The following VPS53 variants were observed in gnomAD, a reference collection of about 807,000 sequenced individuals.
VPS53 encodes the protein VPS53 subunit of GARP complex, also known as vacuolar protein sorting-associated protein 53 homolog.
A neutral mutation model predicts 107.0 loss-of-function variants in VPS53; 70 were observed. That is an observed-to-expected ratio of 0.65 (90% confidence interval 0.54 to 0.80). The LOEUF is 0.80. Ranked by LOEUF, VPS53 falls within the 30% of genes least tolerant of loss-of-function variation. The pLI, the probability that VPS53 is intolerant of heterozygous loss-of-function variation, is 0.00. For synonymous variants in VPS53, 409 were observed against 393.3 expected, an observed-to-expected ratio of 1.04 and a Z score of -0.47; for missense variants, 917 against 1,049.4, an observed-to-expected ratio of 0.87 and a Z score of 1.74.
intron 4 of VPS53, among the ~76,000 whole-genome samples, chr17:668,892 CTT>C (rs1171751027): frequency 6.6e-6 from 1 of 152,144 alleles, no homozygotes; most frequent in African/African-American, 2.4e-5. Context: ...GAAGGTATCG[CTT>C]TTTTCTTCCA....
intron 13 of VPS53, among the ~76,000 whole-genome samples, chr17:580,197 C>A (rs1192952721): frequency 6.6e-6 from 1 of 150,960 alleles, no homozygotes; most frequent in African/African-American, 2.4e-5. Flanking sequence ...TCCCTCAAAA[C>A]CTAATGCATT....
rs1301558835 is a variant in VPS53 at position 642,438 on chromosome 17, C to T, written c.609-10810G>A. Among the ~76,000 whole-genome samples the T allele has an allele frequency of 7.3e-5, 11 of 151,534 alleles. No homozygotes were observed. In the East Asian group the frequency reaches 2.2e-3, roughly 30 times the overall value. ...ACTCATACTTGGAAAGCGAGGACAA[C>T]ACTCATACTTGGCAACTGAGGACAA... On this transcript the variant is annotated intron_variant, in intron 7 of 21. Transcript: ENST00000437048.
intron 5 of VPS53, among the ~76,000 whole-genome samples, chr17:656,537 T>A (rs1012103005): frequency 1.3e-5 from 2 of 152,198 alleles, no homozygotes; most frequent in Non-Finnish European, 2.9e-5. Context: ...CCTGACAGTG[T>A]TGTTTCAGCA....
chr17:672,839 G>T (rs954795703), intron 4 of VPS53, among the ~76,000 whole-genome samples: 1 of 152,092 alleles, frequency 6.6e-6, no homozygotes, highest in Non-Finnish European at 1.5e-5. Context: ...GCGGCCGGGC[G>T]CAGTGGCTCA....
At chr17:642,870 T>TCATACTTGGAAAG (rs1970490118) in intron 7 of VPS53, among the ~76,000 whole-genome samples, 3 of 73,194 alleles carry the variant, frequency 4.1e-5, no homozygotes, top group Non-Finnish European at 8.4e-5. Context: ...TACTTGGAAA[T>TCATACTTGGAAAG]CGAGGACAAC....
At chr17:599,764 T>C (rs1405264704) in intron 12 of VPS53, among the ~76,000 whole-genome samples, 1 of 130,104 alleles carries the variant, frequency 7.7e-6, no homozygotes, top group African/African-American at 2.8e-5. Context: ...ATAAATAAAT[T>C]AAAAAAAAAA....
rs879322956 is a variant in VPS53 at position 514,472 on chromosome 17, TTATTCTGAGTGCTCTTCCTAGCC to T, written c.*4633_*4655del. The T allele has an allele frequency of 7.3e-3, 1,068 of 146,976 alleles. No homozygotes were observed. The highest frequency in any genetic ancestry group is 0.02 in the East Asian group (94 of 4,818). The allele number at this position is 146,976 out of a possible 1,614,324, so 9.1% of individuals were successfully genotyped here. On this transcript the variant is annotated 3_prime_UTR_variant, in exon 22 of 22. Transcript: ENST00000437048. ...GCCAAGGAATCCCATTTCCAGCAGG[TTATTCTGAGTGCTCTTCCTAGCC>T]AAGGAATCCCATTTCCAGCAGGTTA...
intron 15 of VPS53, among the ~76,000 whole-genome samples, 181 bp downstream of exon 15, chr17:560,245 T>C (rs1912806436): frequency 6.6e-6 from 1 of 152,264 alleles, no homozygotes. Context: ...AAGGCCTTTC[T>C]GTAAGACAGC....
In VPS53 at chr17:519,004, A is replaced by AC; in HGVS notation, c.*123dup. 1 of 1,084,184 alleles carries AC rather than the reference A, an allele frequency of 9.2e-7. No homozygotes were observed. Among genetic ancestry groups the AC allele is most frequent in the Non-Finnish European group, 1.3e-6 (1 of 780,294 alleles). The allele number at this position is 1,084,184 out of a possible 1,614,324, so 67.2% of individuals were successfully genotyped here. On this transcript the variant is annotated 3_prime_UTR_variant, in exon 22 of 22. Transcript: ENST00000437048. The surrounding 1 kb of genome is among the most constrained non-coding windows in gnomAD (Gnocchi z 5.0). ...CATGGGAGAGACTCAGTAACAACCCACATGTCCCAGGAAGTTTGAAGACCG... is the reference window on the plus strand; with the variant it reads ...CATGGGAGAGACTCAGTAACAACCCACCATGTCCCAGGAAGTTTGAAGACCG...
chr17:590,413 T>G (rs1485467313), intron 12 of VPS53, among the ~76,000 whole-genome samples: 2 of 151,458 alleles, frequency 1.3e-5, no homozygotes, highest in African/African-American at 4.8e-5. Context: ...TCCAACACTA[T>G]GTTGAATAGG....
Position 553,248 on chromosome 17 carries a change from A to G in VPS53, c.1787+132T>C, listed in dbSNP as rs933898910. ...GTGAGCAAGCGTGTACAAGGTATATACGTGCCACATGCTGCTGTGTAGTGG... is the reference window on the plus strand; with the variant it reads ...GTGAGCAAGCGTGTACAAGGTATATGCGTGCCACATGCTGCTGTGTAGTGG... On this transcript the variant is annotated intron_variant, in intron 16 of 21. Coordinates refer to ENST00000437048, the MANE Select transcript of VPS53 (RefSeq NM_001128159.3). 4 of 666,536 alleles carry G rather than the reference A, an allele frequency of 6.0e-6. No homozygotes were observed. In the African/African-American group the frequency reaches 7.7e-5, roughly 13 times the overall value. The allele number at this position is 666,536 out of a possible 1,614,324, so 41.3% of individuals were successfully genotyped here. A position where few individuals can be genotyped will look rare whatever the true frequency, so the allele number is the denominator to read the frequency against.
At chr17:593,188 C>T (rs868817813) in intron 12 of VPS53, among the ~76,000 whole-genome samples, 346 of 152,140 alleles carry the variant, frequency 2.3e-3, no homozygotes, top group African/African-American at 7.9e-3. Context: ...AAACGTTAGA[C>T]CTAAAACCAT....
chr17:562,707 A>C lies in VPS53; in HGVS notation c.1352T>G (p.Phe451Cys). The change falls in exon 14 of 22, where the codon TTC becomes TGC. Residue 451 changes from phenylalanine to cysteine, a missense_variant. By Grantham distance (205) the Phe-to-Cys change is radical (BLOSUM62 -2). Transcript: ENST00000437048. ...GGGCTTAGGTGGCCCCTGGGCTTTG[A>C]AATCAGCCACAAACCGATCTATCAG... ...GELIDRFVAD[F>C]KAQGPPKPNT... 1 of 1,613,848 alleles carries C rather than the reference A, an allele frequency of 6.2e-7. No homozygotes were observed. The highest frequency in any genetic ancestry group is 8.5e-7 in the Non-Finnish European group (1 of 1,179,950).
rs749573286 is a variant in VPS53 at position 653,429 on chromosome 17, T to A, written c.489-19A>T. On this transcript the variant is annotated intron_variant, in intron 6 of 21. Transcript: ENST00000437048. Reference sequence around the variant, plus strand: ...CATGGCTCTGCAAGGAAAGAATAAGTTTAAAAGTCTAGAAAAACACTAAAG... The same window carrying A: ...CATGGCTCTGCAAGGAAAGAATAAGATTAAAAGTCTAGAAAAACACTAAAG... 1.2e-6 allele frequency: 2 copies of A among 1,613,998 alleles called. No homozygotes were observed. The highest frequency in any genetic ancestry group is 1.7e-6 in the Non-Finnish European group (2 of 1,179,924).
intron 11 of VPS53, among the ~76,000 whole-genome samples, chr17:613,210 TAGTG>T (rs1488952276): frequency 6.7e-6 from 1 of 149,018 alleles, no homozygotes; most frequent in African/African-American, 2.5e-5. Flanking sequence ...AATATTCACA[TAGTG>T]AGTTCACACA....
intron 13 of VPS53, among the ~76,000 whole-genome samples, chr17:581,517 G>A (rs550220856): frequency 3.1e-4 from 46 of 149,206 alleles, no homozygotes; most frequent in Non-Finnish European, 5.3e-4. Flanking sequence ...AACCTACTGC[G>A]TTCCCAGAGA....
At chr17:538,724 G>A (rs1159058992) in intron 17 of VPS53, 1 of 152,178 alleles carries the variant, frequency 6.6e-6, no homozygotes, top group African/African-American at 2.4e-5. Context: ...AACATGAAGA[G>A]TCTTATGCAA....
At position 537,374 on chromosome 17, in the gene VPS53, C is replaced by T. The variant is rs1245128468; in HGVS notation, c.1867-198G>A. 6 of 609,078 alleles carry T rather than the reference C, an allele frequency of 9.9e-6. No homozygotes were observed. In the East Asian group the frequency reaches 1.5e-4, roughly 15 times the overall value. 37.7% of individuals were successfully genotyped at this position (609,078 alleles called of 1,614,324 possible). Reference sequence around the variant, plus strand: ...ACAAATGCGAGTGTGCCCAGCGGACCCGACAGTGAGGTGTGACCCAGACCC... The same window carrying T: ...ACAAATGCGAGTGTGCCCAGCGGACTCGACAGTGAGGTGTGACCCAGACCC... On this transcript the variant is annotated intron_variant, in intron 17 of 21. Transcript: ENST00000437048.
chr17:658,107 C>T (rs1213672963), intron 5 of VPS53, among the ~76,000 whole-genome samples: 2 of 118,442 alleles, frequency 1.7e-5, no homozygotes, highest in African/African-American at 6.7e-5. Context: ...GCCGTGAGTT[C>T]GTGGATAGAT....
Sources: allele counts gnomAD v4.1 joint callset (sites outside exome capture counted in the v4.1 genomes callset), GRCh38; gene constraint gnomAD v4.1.1; non-coding constraint Gnocchi (gnomAD v3.1); transcripts MANE v1.5; gene names NCBI Gene and HGNC (gene_info 2026-07-23, HGNC 2026-07-21).